RFX4: variants seen among roughly 807,000 people sequenced by gnomAD.
The protein encoded by RFX4 is regulatory factor X4.
A neutral mutation model predicts 95.0 loss-of-function variants in RFX4; 10 were observed. The observed-to-expected ratio is 0.11, with a 90% CI of 0.06 to 0.18. RFX4 has a LOEUF of 0.18. RFX4 is among the 10% of genes least tolerant of loss of function. The pLI, the probability that RFX4 is intolerant of heterozygous loss-of-function variation, is 1.00. For missense variants in RFX4, 640 were observed against 922.0 expected (o/e 0.69, Z 3.96); for synonymous variants, 321 against 340.7 (o/e 0.94, Z 0.64).
chr12:106,605,003 C>T (rs959325214), intron 1 of RFX4, among the ~76,000 whole-genome samples: 6 of 152,148 alleles, frequency 3.9e-5, no homozygotes, highest in South Asian at 2.1e-4. Flanking sequence ...TGACTTTGGA[C>T]GAGTCACTGA....
At chr12:106,614,436 G>A (rs2040026994) in intron 2 of RFX4, among the ~76,000 whole-genome samples, 1 of 151,528 alleles carries the variant, frequency 6.6e-6, no homozygotes, top group African/African-American at 2.4e-5. Flanking sequence ...TGGGATTACA[G>A]GCGTGAGCCC....
intron 15 of RFX4, among the ~76,000 whole-genome samples, chr12:106,740,423 C>T (rs559782199): frequency 6.6e-6 from 1 of 152,152 alleles, no homozygotes; most frequent in African/African-American, 2.4e-5. Flanking sequence ...CTCCTTCTTT[C>T]GTCCCTGCTA....
chr12:106,624,385 C>A (rs1300449450), intron 2 of RFX4, among the ~76,000 whole-genome samples: 4 of 152,096 alleles, frequency 2.6e-5, no homozygotes, highest in Admixed American at 6.5e-5. Context: ...AGCGCAGTGT[C>A]GCGATCTTGG....
At chr12:106,621,556 T>G (rs1052452207) in intron 2 of RFX4, among the ~76,000 whole-genome samples, 1 of 152,240 alleles carries the variant, frequency 6.6e-6, no homozygotes, top group Non-Finnish European at 1.5e-5. Context: ...GGCTCTTTAG[T>G]CTCTAAGCTG....
intron 4 of RFX4, among the ~76,000 whole-genome samples, chr12:106,665,950 C>T (rs2041168772): frequency 6.6e-6 from 1 of 151,868 alleles, no homozygotes; most frequent in Non-Finnish European, 1.5e-5. Flanking sequence ...TTTTATTTTA[C>T]TTCACTTATT....
intron 8 of RFX4, among the ~76,000 whole-genome samples, chr12:106,706,205 A>G (rs1466746712): frequency 6.6e-6 from 1 of 152,240 alleles, no homozygotes; most frequent in African/African-American, 2.4e-5. Flanking sequence ...TGGAGGCCAG[A>G]GGTCCGGAAT....
intron 3 of RFX4, among the ~76,000 whole-genome samples, chr12:106,642,825 T>C (rs749858699): frequency 6.6e-6 from 1 of 152,110 alleles, no homozygotes; most frequent in Non-Finnish European, 1.5e-5. Context: ...CAGGGGAATG[T>C]TGCAGGTGGA....
At chr12:106,700,597 G>T (rs1380008857) in intron 8 of RFX4, among the ~76,000 whole-genome samples, 1 of 150,916 alleles carries the variant, frequency 6.6e-6, no homozygotes, top group Admixed American at 6.6e-5. Flanking sequence ...TAGTAGAGAC[G>T]GGGTTTCACC....
intron 4 of RFX4, among the ~76,000 whole-genome samples, chr12:106,668,525 G>A (rs2041220926): frequency 6.6e-6 from 1 of 152,156 alleles, no homozygotes; most frequent in African/African-American, 2.4e-5. Flanking sequence ...GAGCTCCTGA[G>A]TTCGAGTCCA....
At position 106,621,138 on chromosome 12, in the gene RFX4, G is replaced by A. The variant is rs191696525; in HGVS notation, c.130+12255G>A. On this transcript the variant is annotated intron_variant, in intron 2 of 17. Transcript: ENST00000392842. ...GTTATCACAGTGGTCCTGAGGTGAC[G>A]TACATCCTCAGCTTACGAATATAAC... Among the ~76,000 whole-genome samples, 349 of 152,266 alleles carry A rather than the reference G, an allele frequency of 2.3e-3. 1 individual carries two copies. Among genetic ancestry groups the A allele is most frequent in the Non-Finnish European group, 4.1e-3 (277 of 68,024 alleles).
Position 106,762,302 on chromosome 12 carries a change from C to A in RFX4, c.*833C>A, listed in dbSNP as rs949877154. The A allele has an allele frequency of 6.6e-6, 1 of 152,522 alleles. No homozygotes were observed. Among genetic ancestry groups the A allele is most frequent in the Non-Finnish European group, 1.5e-5 (1 of 68,026 alleles). 9.4% of individuals were successfully genotyped at this position (152,522 alleles called of 1,614,324 possible). ...TTATGGCATTGAGTATCACACTCAG[C>A]TCTGCTGTGTTAACTTTGTGAAACT... On this transcript the variant is annotated 3_prime_UTR_variant, in exon 18 of 18. Transcript: ENST00000392842.
intron 1 of RFX4, among the ~76,000 whole-genome samples, chr12:106,606,915 G>C (rs1444011126): frequency 6.6e-6 from 1 of 152,142 alleles, no homozygotes. Context: ...GTTAACTAAT[G>C]ATCTTTTCCT....
At chr12:106,622,622 ATT>A (rs34736856) in intron 2 of RFX4, among the ~76,000 whole-genome samples, 2,864 of 132,176 alleles carry the variant, frequency 0.022, 59 homozygotes, top group African/African-American at 0.064. Context: ...TCCAAGCTGC[ATT>A]TTTTTTTTTT....
intron 13 of RFX4, among the ~76,000 whole-genome samples, chr12:106,721,233 T>G (rs1371309848): frequency 6.6e-6 from 1 of 152,238 alleles, no homozygotes. Flanking sequence ...ACTGGGCACA[T>G]GAAGAAACCT....
intron 2 of RFX4, among the ~76,000 whole-genome samples, chr12:106,623,888 G>A (rs2040236539): frequency 6.6e-6 from 1 of 152,228 alleles, no homozygotes; most frequent in Non-Finnish European, 1.5e-5. Context: ...AAGATGGGAA[G>A]GAGTAGGCTC....
chr12:106,719,414 T>G (rs1301681709), intron 11 of RFX4, among the ~76,000 whole-genome samples: 1 of 152,196 alleles, frequency 6.6e-6, no homozygotes, highest in African/African-American at 2.4e-5. Context: ...AGCAAGAATT[T>G]GTTGGGTAAC....
At chr12:106,620,534 A>G (rs141148806) in intron 2 of RFX4, among the ~76,000 whole-genome samples, 20 of 152,294 alleles carry the variant, frequency 1.3e-4, no homozygotes, top group African/African-American at 1.9e-4. Context: ...TTCTGAGGGA[A>G]TAGGACAAAG....
intron 2 of RFX4, among the ~76,000 whole-genome samples, chr12:106,637,943 C>T (rs1204913046): frequency 6.6e-6 from 1 of 151,932 alleles, no homozygotes; most frequent in African/African-American, 2.4e-5. Flanking sequence ...CCCACACCCC[C>T]AAAATTAATT....
chr12:106,719,537 T>C (rs146518086), intron 11 of RFX4, among the ~76,000 whole-genome samples: 46 of 152,040 alleles, frequency 3.0e-4, no homozygotes, highest in African/African-American at 1.1e-3. Flanking sequence ...ATAATAAAGG[T>C]AGAAAACCGA....
Sources: gnomAD v4.1 joint callset for allele counts (sites outside exome capture counted in the v4.1 genomes callset) on GRCh38, gnomAD v4.1.1 for gene constraint, MANE v1.5 for transcripts, NCBI Gene and HGNC (gene_info 2026-07-23, HGNC 2026-07-21) for gene names.